Variants in VEPH1 observed in about 807,000 individuals in gnomAD.
VEPH1 encodes ventricular zone expressed PH domain containing 1.
In VEPH1, 80 loss-of-function variants were observed where a neutral mutation model predicts 85.2. The observed-to-expected ratio is 0.94, with a 90% CI of 0.78 to 1.13. The LOEUF (loss-of-function observed/expected upper bound fraction) is 1.13. VEPH1 is among the 50% of genes most tolerant of loss of function. The probability of loss-of-function intolerance (pLI) is 0.00; values close to 1 mark genes in which losing one functional copy is unlikely to be tolerated. For synonymous variants in VEPH1, 297 were observed against 348.0 expected (o/e 0.85, Z 1.63); for missense variants, 955 against 980.5 (o/e 0.97, Z 0.35).
chr3:157,498,034 T>C (rs913690814), intron 1 of VEPH1, among the ~76,000 whole-genome samples: 5 of 152,198 alleles, frequency 3.3e-5, no homozygotes, highest in Admixed American at 1.3e-4. Context: ...AAAAGAAGTT[T>C]GGGGAAGTAC....
chr3:157,495,156 C>A, intron 2 of VEPH1, 56 bp downstream of exon 2: 1 of 1,543,484 alleles, frequency 6.5e-7, no homozygotes, highest in Non-Finnish European at 8.8e-7. Flanking sequence ...ATAAACAAAT[C>A]TCTAGCTCTA....
intron 2 of VEPH1, among the ~76,000 whole-genome samples, chr3:157,494,078 C>A (rs1396607089): frequency 6.6e-6 from 1 of 152,118 alleles, no homozygotes; most frequent in Non-Finnish European, 1.5e-5. Context: ...TAATTGCCAT[C>A]AAAGACATTA....
At chr3:157,383,817 G>A (rs1421949711) in intron 6 of VEPH1, among the ~76,000 whole-genome samples, 1 of 151,982 alleles carries the variant, frequency 6.6e-6, no homozygotes, top group African/African-American at 2.4e-5. Context: ...TGGAGACCCT[G>A]TTTCATATTT....
At chr3:157,349,398 C>T (rs1445878756) in intron 9 of VEPH1, among the ~76,000 whole-genome samples, 1 of 152,134 alleles carries the variant, frequency 6.6e-6, no homozygotes, top group African/African-American at 2.4e-5. Context: ...TAATAAAAGC[C>T]ATATATGACG....
chr3:157,261,335 G>C lies in VEPH1; in HGVS notation c.2301C>G (p.Ser767Arg), dbSNP rs771884953. The change falls in exon 14 of 14, where the codon AGC (serine) becomes AGG (arginine). Residue 767 changes from serine to arginine, a missense_variant. Transcript: ENST00000362010. ...DDPDDCPIEL[S>R]KVQSVKAVAK... ...CCACAGCCTTCACACTCTGTACTTT[G>C]CTGAGTTCTATTGGGCAGTCGTCAG... The C allele has an allele frequency of 6.2e-7, 1 of 1,613,658 alleles. No individual in the cohort carries two copies. The highest frequency in any genetic ancestry group is 1.7e-5 in the Admixed American group (1 of 59,972).
At chr3:157,455,471 T>C (rs987571485) in intron 4 of VEPH1, among the ~76,000 whole-genome samples, 9 of 152,060 alleles carry the variant, frequency 5.9e-5, no homozygotes, top group African/African-American at 1.7e-4. Flanking sequence ...AGTTTTTTTA[T>C]ATAGGTAAAC....
chr3:157,284,679 A>G (rs1309299871), intron 12 of VEPH1, among the ~76,000 whole-genome samples: 1 of 152,150 alleles, frequency 6.6e-6, no homozygotes, highest in Non-Finnish European at 1.5e-5. Flanking sequence ...AAAAAAAAAA[A>G]AAACAGTTTA....
intron 7 of VEPH1, among the ~76,000 whole-genome samples, chr3:157,378,334 A>AGTAG (rs1276595112): frequency 2.3e-5 from 3 of 128,446 alleles, no homozygotes; most frequent in Non-Finnish European, 4.8e-5. Flanking sequence ...ATATATATAT[A>AGTAG]TATATATATA....
intron 12 of VEPH1, among the ~76,000 whole-genome samples, chr3:157,272,022 A>G (rs370903768): frequency 1.3e-5 from 2 of 152,218 alleles, no homozygotes; most frequent in African/African-American, 4.8e-5. Context: ...TTTTAACATT[A>G]TTAACTGAAA....
At chr3:157,470,657 G>A in intron 2 of VEPH1, 128 bp from the exon 3 acceptor site, 1 of 759,916 alleles carries the variant, frequency 1.3e-6, no homozygotes, top group Non-Finnish European at 2.1e-6. Context: ...AGGGTGTAAA[G>A]CCTAATACAA....
chr3:157,453,586 A>G (rs890553364), intron 4 of VEPH1, among the ~76,000 whole-genome samples: 1 of 152,194 alleles, frequency 6.6e-6, no homozygotes, highest in African/African-American at 2.4e-5. Flanking sequence ...AAGTAGAAAC[A>G]TGGGAAAATA....
intron 10 of VEPH1, 59 bp downstream of exon 10, chr3:157,317,003 T>C: frequency 6.5e-7 from 1 of 1,528,398 alleles, no homozygotes; most frequent in Non-Finnish European, 8.8e-7. Context: ...ATAAAAATGA[T>C]TATAAGCCCA....
At chr3:157,333,720 G>T (rs1482984408) in intron 9 of VEPH1, among the ~76,000 whole-genome samples, 2 of 152,188 alleles carry the variant, frequency 1.3e-5, no homozygotes, top group African/African-American at 4.8e-5. Context: ...GTGATCCCCT[G>T]CAGGTACCAT....
intron 9 of VEPH1, among the ~76,000 whole-genome samples, chr3:157,331,022 G>A (rs1412878427): frequency 6.6e-6 from 1 of 152,188 alleles, no homozygotes; most frequent in East Asian, 1.9e-4. Flanking sequence ...GATTGGCCCT[G>A]TGCATGGATA....
intron 9 of VEPH1, among the ~76,000 whole-genome samples, chr3:157,334,695 A>G (rs184508611): frequency 2.6e-5 from 4 of 152,366 alleles, no homozygotes; most frequent in African/African-American, 9.6e-5. Flanking sequence ...AAAAAGAGCA[A>G]TCCATGATCA....
rs138933592 is a variant in VEPH1 at position 157,297,635 on chromosome 3, G to C, written c.2011-10961C>G. 2.7e-3 allele frequency among the ~76,000 whole-genome samples: 414 copies of C among 152,208 alleles called. 5 individuals are homozygous for C. In the East Asian group the frequency reaches 0.043, roughly 16 times the overall value. ...AGAGAAAGAATGCAGTACTAAGCAT[G>C]AATGGAGGAGCTAATATGTGCATGA... On this transcript the variant is annotated intron_variant, in intron 11 of 13. Transcript: ENST00000362010.
intron 2 of VEPH1, among the ~76,000 whole-genome samples, chr3:157,478,144 C>T (rs73158527): frequency 0.083 from 12,585 of 152,136 alleles, 773 homozygotes; most frequent in Middle Eastern, 0.14. Context: ...CATTTTGCTC[C>T]TCCCATTGGA....
chr3:157,330,569 G>A (rs1316913213), intron 9 of VEPH1, among the ~76,000 whole-genome samples: 1 of 152,212 alleles, frequency 6.6e-6, no homozygotes, highest in Non-Finnish European at 1.5e-5. Context: ...TGGGTTGATA[G>A]AAGTAGCAGC....
intron 4 of VEPH1, chr3:157,442,347 T>G: frequency 6.5e-7 from 1 of 1,547,790 alleles, no homozygotes; most frequent in Non-Finnish European, 8.8e-7. Flanking sequence ...ATATTCTTCT[T>G]ATTTTCTTGC....
Sources: allele counts gnomAD v4.1 joint callset (sites outside exome capture counted in the v4.1 genomes callset), GRCh38; gene constraint gnomAD v4.1.1; transcripts MANE v1.5; gene names NCBI Gene and HGNC (gene_info 2026-07-23, HGNC 2026-07-21).